Variants in ADGRL3 observed in about 807,000 individuals in gnomAD.
ADGRL3 encodes the protein adhesion G protein-coupled receptor L3.
ADGRL3 carries 62 observed loss-of-function variants against 153.5 expected under a neutral mutation model. That is an observed-to-expected ratio of 0.40 (90% CI 0.33 to 0.50). ADGRL3 has a LOEUF of 0.50. ADGRL3 is among the 20% of genes least tolerant of loss of function. The pLI is 0.47. For synonymous variants in ADGRL3, 710 were observed against 672.5 expected, an observed-to-expected ratio of 1.06 and a Z score of -0.86; for missense variants, 1,641 against 1,859.4, an observed-to-expected ratio of 0.88 and a Z score of 2.16.
intron 6 of ADGRL3, among the ~76,000 whole-genome samples, chr4:61,694,777 CT>C (rs896617839): frequency 2.6e-5 from 4 of 152,184 alleles, no homozygotes; most frequent in Non-Finnish European, 4.4e-5. Context: ...CACAGAAGAA[CT>C]GTCAAAATTG....
At chr4:61,558,944 T>C (rs2098782051) in intron 4 of ADGRL3, among the ~76,000 whole-genome samples, 1 of 151,870 alleles carries the variant, frequency 6.6e-6, no homozygotes, top group Admixed American at 6.6e-5. Context: ...TTTTTCCTCA[T>C]TGGTAAATAG....
chr4:61,747,054 C>G (rs1446178873), intron 8 of ADGRL3, among the ~76,000 whole-genome samples: 2 of 152,176 alleles, frequency 1.3e-5, no homozygotes, highest in Non-Finnish European at 2.9e-5. Context: ...GAAATACAAA[C>G]TACCATCAGA....
At chr4:62,026,235 A>G (rs1404904333) in intron 21 of ADGRL3, among the ~76,000 whole-genome samples, 2 of 152,148 alleles carry the variant, frequency 1.3e-5, no homozygotes, top group Admixed American at 6.6e-5. Flanking sequence ...TCTAAACCTA[A>G]TATTTCAGCT....
At chr4:61,978,158 T>C (rs2099054444) in intron 17 of ADGRL3, among the ~76,000 whole-genome samples, 1 of 152,134 alleles carries the variant, frequency 6.6e-6, no homozygotes, top group African/African-American at 2.4e-5. Flanking sequence ...TCTATATAGT[T>C]GAAAAAAGTA....
At chr4:61,908,518 G>C (rs1350689484) in intron 11 of ADGRL3, among the ~76,000 whole-genome samples, 2 of 151,408 alleles carry the variant, frequency 1.3e-5, no homozygotes, top group Non-Finnish European at 2.9e-5. Flanking sequence ...GCAGCTACTT[G>C]GGAGGCTTGA....
rs1298570214 is a variant in ADGRL3, at chr4:61,200,804, C to G, written c.-1201C>G. On this transcript the variant is annotated 5_prime_UTR_variant, in exon 1 of 27. Coordinates refer to ENST00000683033, the MANE Select transcript of ADGRL3 (RefSeq NM_001387552.1). ...AACCGAAGAGACAGCGGCGGCGGCG[C>G]AGAGCCCGGGGCCGCGCGATGAAGC... Among the ~76,000 whole-genome samples, 2 of 150,610 alleles carry G rather than the reference C, an allele frequency of 1.3e-5. No homozygotes were observed. Among genetic ancestry groups the G allele is most frequent in the African/African-American group, 2.4e-5 (1 of 40,978 alleles).
At chr4:61,799,113 A>C (rs528448155) in intron 8 of ADGRL3, among the ~76,000 whole-genome samples, 32 of 149,798 alleles carry the variant, frequency 2.1e-4, no homozygotes, top group Non-Finnish European at 4.2e-4. Flanking sequence ...AGATAGATCC[A>C]TAATCAGCAG....
chr4:61,677,574 T>C (rs777119789), intron 6 of ADGRL3, among the ~76,000 whole-genome samples: 1 of 151,968 alleles, frequency 6.6e-6, no homozygotes, highest in Non-Finnish European at 1.5e-5. Flanking sequence ...TTTCTGACTT[T>C]CCCACTCAAA....
At chr4:61,658,930 T>G (rs774303467) in intron 5 of ADGRL3, among the ~76,000 whole-genome samples, 104 of 152,250 alleles carry the variant, frequency 6.8e-4, no homozygotes, top group Middle Eastern at 6.8e-3. Flanking sequence ...CAACATAAAT[T>G]TGCTTTGACA....
At chr4:61,251,537 G>A (rs893780686) in intron 1 of ADGRL3, among the ~76,000 whole-genome samples, 13 of 152,184 alleles carry the variant, frequency 8.5e-5, no homozygotes, top group Non-Finnish European at 1.8e-4. Flanking sequence ...CGACGTTTAA[G>A]TCTTCTTGGT....
chr4:61,762,525 T>C (rs1275746684), intron 8 of ADGRL3, among the ~76,000 whole-genome samples: 1 of 152,148 alleles, frequency 6.6e-6, no homozygotes, highest in Non-Finnish European at 1.5e-5. Context: ...TTTGAACATG[T>C]CATTAAGTAG....
chr4:61,917,872 A>C (rs2149928851), intron 13 of ADGRL3, among the ~76,000 whole-genome samples: 1 of 152,316 alleles, frequency 6.6e-6, no homozygotes. Context: ...GAACAGAGTG[A>C]AAAAGAGGAT....
intron 17 of ADGRL3, among the ~76,000 whole-genome samples, chr4:61,958,589 G>T (rs773673432): frequency 3.3e-5 from 5 of 152,094 alleles, no homozygotes; most frequent in East Asian, 1.9e-4. Flanking sequence ...CATGGCAGAA[G>T]GTGAAGGGGA....
At chr4:62,036,256 G>A (rs1289889870) in intron 23 of ADGRL3, among the ~76,000 whole-genome samples, 1 of 151,988 alleles carries the variant, frequency 6.6e-6, no homozygotes, top group African/African-American at 2.4e-5. Context: ...TTTATGGTGA[G>A]AATGCCTTTT....
chr4:61,759,370 T>C (rs1284377211), intron 8 of ADGRL3, among the ~76,000 whole-genome samples: 6 of 152,172 alleles, frequency 3.9e-5, no homozygotes, highest in Non-Finnish European at 5.9e-5. Flanking sequence ...TTTGTTCATT[T>C]CTTTTTATTC....
Position 62,070,140 on chromosome 4 carries a change from T to C in ADGRL3, c.3864T>C (p.Ser1288=), listed in dbSNP as rs765587339. 67 of 1,613,816 alleles carry C rather than the reference T, an allele frequency of 4.2e-5. No homozygotes were observed. The highest frequency in any genetic ancestry group is 5.2e-5 in the Non-Finnish European group (61 of 1,179,952). ...KGLLNNARDT[S]VMDTLPLNGN... ...TTCTGAACAATGCCAGGGATACAAG[T>C]GTCATGGATACTCTACCACTGAATG... Residue 1288 remains serine, a synonymous_variant, in exon 27 of 27, where the codon AGT becomes AGC. Coordinates refer to ENST00000683033, the MANE Select transcript of ADGRL3 (RefSeq NM_001387552.1).
chr4:61,642,233 A>G (rs1456304812), intron 5 of ADGRL3, among the ~76,000 whole-genome samples: 1 of 151,712 alleles, frequency 6.6e-6, no homozygotes, highest in Non-Finnish European at 1.5e-5. Flanking sequence ...CCCATTTTGT[A>G]GGTTGCCTGT....
At chr4:61,297,394 C>T (rs2150278032) in intron 1 of ADGRL3, among the ~76,000 whole-genome samples, 1 of 152,044 alleles carries the variant, frequency 6.6e-6, no homozygotes, top group East Asian at 1.9e-4. Flanking sequence ...CGATTTCAGT[C>T]TTTATCAGTG....
chr4:61,890,567 C>G (rs1362109929), intron 9 of ADGRL3, among the ~76,000 whole-genome samples: 1 of 152,148 alleles, frequency 6.6e-6, no homozygotes, highest in Non-Finnish European at 1.5e-5. Context: ...AAACACACAT[C>G]CTCTTATCAG....
Sources: allele counts gnomAD v4.1 joint callset (sites outside exome capture counted in the v4.1 genomes callset), GRCh38; gene constraint gnomAD v4.1.1; transcripts MANE v1.5; gene names NCBI Gene and HGNC (gene_info 2026-07-23, HGNC 2026-07-21).